The following LRRC37A variants were observed in gnomAD, a reference collection of about 807,000 sequenced individuals.
LRRC37A encodes leucine rich repeat containing 37A, also known as leucine-rich repeat-containing protein 37A.
LRRC37A carries 3 observed loss-of-function variants against 35.4 expected under a neutral mutation model. The observed-to-expected ratio is 0.08, with a 90% CI of 0.04 to 0.22. The LOEUF is 0.22. Ranked by LOEUF, LRRC37A falls within the 10% of genes least tolerant of loss-of-function variation. The probability of loss-of-function intolerance (pLI) is 1.00; values close to 1 mark genes in which losing one functional copy is unlikely to be tolerated. For synonymous variants in LRRC37A, 23 were observed against 215.0 expected (o/e 0.11, Z 7.81); for missense variants, 67 against 565.3 (o/e 0.12, Z 8.94).
At chr17:46,283,238 G>T in the LRRC37A span, among the ~76,000 whole-genome samples, 1 of 152,216 alleles carries the variant, frequency 6.6e-6, no homozygotes, top group Non-Finnish European at 1.5e-5. Context: ...AGTATTCTAA[G>T]ATATTAATTT....
At chr17:46,255,800 C>CGAATA in the LRRC37A span, among the ~76,000 whole-genome samples, 1 of 152,016 alleles carries the variant, frequency 6.6e-6, no homozygotes, top group Non-Finnish European at 1.5e-5. Context: ...CTCAGCCTCC[C>CGAATA]GAATAGCTGG....
the LRRC37A span, among the ~76,000 whole-genome samples, chr17:46,282,496 C>T: frequency 6.6e-6 from 1 of 151,122 alleles, no homozygotes; most frequent in African/African-American, 2.4e-5. Context: ...TTCACTGCAG[C>T]CTCAAACTCC....
the LRRC37A span, among the ~76,000 whole-genome samples, chr17:46,265,966 G>A: frequency 1.3e-5 from 2 of 152,178 alleles, no homozygotes; most frequent in Non-Finnish European, 2.9e-5. Flanking sequence ...GCATGGTGGC[G>A]TATGCCTGTA....
At chr17:46,326,864 A>C (rs1243506185) in intron 7 of LRRC37A, among the ~76,000 whole-genome samples, 3 of 57,740 alleles carry the variant, frequency 5.2e-5, no homozygotes, top group Non-Finnish European at 1.3e-4. Flanking sequence ...GATTGTTTTT[A>C]TCTCTCTGAA....
At chr17:46,273,705 A>T in the LRRC37A span, among the ~76,000 whole-genome samples, 2 of 152,282 alleles carry the variant, frequency 1.3e-5, no homozygotes, top group East Asian at 1.9e-4. Flanking sequence ...ATGCAGTAAT[A>T]CAATGTGTAA....
the LRRC37A span, chr17:46,268,547 G>C: frequency 6.7e-7 from 1 of 1,486,146 alleles, no homozygotes; most frequent in Non-Finnish European, 8.9e-7. Flanking sequence ...ATAAGAGAGG[G>C]CAGCTTCCTA....
At chr17:46,282,074 G>C in the LRRC37A span, among the ~76,000 whole-genome samples, 11,876 of 141,276 alleles carry the variant, frequency 0.084, no homozygotes, top group Non-Finnish European at 0.13. Flanking sequence ...GGATACTTTA[G>C]CTGGGCTTGT....
the LRRC37A span, chr17:46,275,481 C>A: frequency 1.4e-6 from 1 of 693,474 alleles, no homozygotes; most frequent in South Asian, 1.4e-5. Flanking sequence ...ATGCTTTATG[C>A]GGATGCCAAA....
chr17:46,254,341 C>A, the LRRC37A span, among the ~76,000 whole-genome samples: 1 of 151,142 alleles, frequency 6.6e-6, no homozygotes, highest in South Asian at 2.1e-4. Context: ...ATGTGTAGAT[C>A]AGGAAATACT....
chr17:46,248,736 T>G, the LRRC37A span, among the ~76,000 whole-genome samples: 2 of 152,006 alleles, frequency 1.3e-5, no homozygotes, highest in African/African-American at 4.8e-5. Flanking sequence ...GCCAGGCTGG[T>G]TTGGAAGTCC....
the LRRC37A span, among the ~76,000 whole-genome samples, chr17:46,277,068 G>A: frequency 1.3e-5 from 2 of 152,328 alleles, no homozygotes; most frequent in Non-Finnish European, 2.9e-5. Context: ...GCTTCTCAAA[G>A]TGTTGAGATC....
chr17:46,262,955 G>A, the LRRC37A span, among the ~76,000 whole-genome samples: 2 of 152,230 alleles, frequency 1.3e-5, no homozygotes, highest in African/African-American at 2.4e-5. Flanking sequence ...GTTTATGCCT[G>A]TCATCCAAGC....
At position 46,317,180 on chromosome 17, in the gene LRRC37A, C is replaced by T. The variant is rs1201300878; in HGVS notation, c.2907-5142C>T. Among the ~76,000 whole-genome samples the T allele has an allele frequency of 3.6e-5, 3 of 84,344 alleles. 1 individual carries two copies. The highest frequency in any genetic ancestry group is 6.2e-5 in the African/African-American group (2 of 32,404). 55.3% of individuals were successfully genotyped at this position (84,344 alleles called of 152,430 possible). On this transcript the variant is annotated intron_variant, in intron 5 of 13. Coordinates refer to ENST00000320254, the Ensembl canonical transcript of LRRC37A. ...GCAGAGGCGCTCCTCACATCCCAGA[C>T]GGGCATGCCCAGTTAGTTTTAAATT...
chr17:46,272,370 C>T, the LRRC37A span, among the ~76,000 whole-genome samples: 18,452 of 152,126 alleles, frequency 0.12, no homozygotes, highest in Non-Finnish European at 0.18. Flanking sequence ...CACAGAAAAG[C>T]AGCTTTCAGA....
chr17:46,282,971 T>C, the LRRC37A span, among the ~76,000 whole-genome samples: 2 of 151,746 alleles, frequency 1.3e-5, no homozygotes, highest in East Asian at 1.9e-4. Context: ...CTACCAAAAT[T>C]AGTCGGGTGT....
At chr17:46,262,329 C>T in the LRRC37A span, among the ~76,000 whole-genome samples, 5 of 151,862 alleles carry the variant, frequency 3.3e-5, no homozygotes, top group East Asian at 1.9e-4. Flanking sequence ...CCACTGCGCC[C>T]GGCCGATCTT....
the LRRC37A span, among the ~76,000 whole-genome samples, chr17:46,287,726 A>T: frequency 1.3e-5 from 2 of 152,238 alleles, no homozygotes; most frequent in Non-Finnish European, 2.9e-5. Context: ...TCAGTTCAAC[A>T]TCGGGGACAT....
At chr17:46,270,083 A>G in the LRRC37A span, among the ~76,000 whole-genome samples, 1 of 152,252 alleles carries the variant, frequency 6.6e-6, no homozygotes. Flanking sequence ...TATAAGAAGT[A>G]CGGTGAACAG....
At chr17:46,331,324 C>T (rs1429656191) in exon 9 of LRRC37A, 1 of 1,308,128 alleles carries the variant, frequency 7.6e-7, no homozygotes, top group African/African-American at 1.7e-5. Flanking sequence ...CAGCGAAGAG[C>T]CTCATAAATT....
Sources: gnomAD v4.1 joint callset for allele counts (sites outside exome capture counted in the v4.1 genomes callset) on GRCh38, gnomAD v4.1.1 for gene constraint, MANE v1.5 for transcripts, NCBI Gene and HGNC (gene_info 2026-07-23, HGNC 2026-07-21) for gene names.